Variants in STEEP1 observed in about 807,000 individuals in gnomAD.
STEEP1 encodes the protein STING ER exit protein.
A neutral mutation model predicts 19.2 loss-of-function variants in STEEP1; 3 were observed. That is an observed-to-expected ratio of 0.16 (90% confidence interval 0.07 to 0.40). STEEP1 has a LOEUF of 0.40. Among genes scored for constraint, STEEP1 ranks in the 10% least tolerant of loss-of-function variants. STEEP1 has a pLI of 0.99. For missense variants in STEEP1, 54 were observed against 177.1 expected (o/e 0.30, Z 3.94); for synonymous variants, 46 against 63.7 (o/e 0.72, Z 1.32).
Position 119,548,049 on chromosome X carries a change from G to A in STEEP1, c.243-2545C>T, listed in dbSNP as rs748595701. On this transcript the variant is annotated intron_variant, in intron 2 of 6. Transcript: ENST00000644802. ...TAGCTGGGTGTTGTGACACATGCCT[G>A]TAATCCCAGCTACTTGGGAGGCTGA... Among the ~76,000 whole-genome samples, 3 of 110,788 alleles carry A rather than the reference G, an allele frequency of 2.7e-5. No homozygotes were observed. In the South Asian group the frequency reaches 1.2e-3, roughly 43 times the overall value.
In STEEP1 at chrX:119,538,755, C is replaced by G. The variant is rs1397722167; in HGVS notation, c.*972G>C. On this transcript the variant is annotated 3_prime_UTR_variant, in exon 7 of 7. Coordinates refer to ENST00000644802, the MANE Select transcript of STEEP1 (RefSeq NM_022101.4). Reference sequence around the variant, plus strand: ...CCGGCCACCCTTGGGTTACTTGAGACCCTACTTTCATTTGGATCTGAGCTG... The same window carrying G: ...CCGGCCACCCTTGGGTTACTTGAGAGCCTACTTTCATTTGGATCTGAGCTG... The G allele has an allele frequency of 9.0e-6, 1 of 111,454 alleles. No individual in the cohort carries two copies. The highest frequency in any genetic ancestry group is 1.9e-5 in the Non-Finnish European group (1 of 53,100). The allele number at this position is 111,454 out of a possible 1,213,427, so 9.2% of individuals were successfully genotyped here. A position where few individuals can be genotyped will look rare whatever the true frequency, so the allele number is the denominator to read the frequency against.
intron 4 of STEEP1, among the ~76,000 whole-genome samples, chrX:119,543,531 G>A (rs1346067551): frequency 9.1e-6 from 1 of 110,111 alleles, no homozygotes; most frequent in Non-Finnish European, 1.9e-5. Context: ...CACCCAGGCT[G>A]GAGTGCAGTG....
chrX:119,542,997 CAAAAAAAAAAAAAAAAA>C (rs60574433), intron 4 of STEEP1, among the ~76,000 whole-genome samples: 3 of 47,929 alleles, frequency 6.3e-5, no homozygotes, highest in African/African-American at 8.9e-5. Flanking sequence ...CTGGGTCTCG[CAAAAAAAAAAAAAAAAA>C]AAAAAAAAAA....
intron 2 of STEEP1, among the ~76,000 whole-genome samples, chrX:119,558,203 C>T (rs2053295340): frequency 9.0e-6 from 1 of 111,531 alleles, no homozygotes; most frequent in South Asian, 3.7e-4. Context: ...GCCACCACAC[C>T]CAGGCTGTAG....
chrX:119,551,608 T>G (rs1303490395), intron 2 of STEEP1, among the ~76,000 whole-genome samples: 1 of 111,260 alleles, frequency 9.0e-6, no homozygotes, highest in African/African-American at 3.3e-5. Context: ...GCAGTACAAC[T>G]GAGGCAGATG....
intron 2 of STEEP1, among the ~76,000 whole-genome samples, chrX:119,554,776 C>T (rs2053267270): frequency 9.0e-6 from 1 of 110,967 alleles, no homozygotes. Context: ...AACTGCCTAC[C>T]ATATGAGACA....
At chrX:119,564,052 TGGGA>T (rs767815597) in intron 1 of STEEP1, among the ~76,000 whole-genome samples, 4 of 111,614 alleles carry the variant, frequency 3.6e-5, no homozygotes, top group African/African-American at 1.3e-4. Flanking sequence ...GATGAACATC[TGGGA>T]GTTACCAGCA....
At chrX:119,561,009 CAA>C (rs60535599) in intron 1 of STEEP1, among the ~76,000 whole-genome samples, 7 of 81,230 alleles carry the variant, frequency 8.6e-5, no homozygotes, top group East Asian at 3.8e-4. Flanking sequence ...CTCTGTTTTA[CAA>C]AAAAAAAAAA....
chrX:119,557,110 C>T (rs1244460776), intron 2 of STEEP1, among the ~76,000 whole-genome samples: 1 of 88,460 alleles, frequency 1.1e-5, no homozygotes, highest in Middle Eastern at 8.3e-3. Context: ...GAGCTGAGAT[C>T]GCATCACTGC....
intron 2 of STEEP1, among the ~76,000 whole-genome samples, chrX:119,557,904 CTTTA>C (rs2147358242): frequency 9.0e-6 from 1 of 110,760 alleles, no homozygotes; most frequent in East Asian, 2.9e-4. Flanking sequence ...ATTTGTAGTA[CTTTA>C]TTTTTTTTTT....
chrX:119,557,563 A>G (rs1222459846), intron 2 of STEEP1, among the ~76,000 whole-genome samples: 1 of 111,337 alleles, frequency 9.0e-6, no homozygotes, highest in Non-Finnish European at 1.9e-5. Context: ...TTATTTGGAA[A>G]TAGTGATGTT....
At chrX:119,551,582 G>C (rs2053241877) in intron 2 of STEEP1, among the ~76,000 whole-genome samples, 2 of 111,325 alleles carry the variant, frequency 1.8e-5, no homozygotes, top group African/African-American at 6.5e-5. Flanking sequence ...GGAGGAACGA[G>C]GAAGCGGGCA....
intron 5 of STEEP1, among the ~76,000 whole-genome samples, chrX:119,541,805 A>C (rs1269908426): frequency 8.9e-6 from 1 of 111,933 alleles, no homozygotes; most frequent in East Asian, 2.8e-4. Context: ...CATAAAGGTA[A>C]TTGCTACTAC....
chrX:119,555,998 A>G (rs1304572695), intron 2 of STEEP1, among the ~76,000 whole-genome samples: 1 of 111,945 alleles, frequency 8.9e-6, no homozygotes, highest in Non-Finnish European at 1.9e-5. Context: ...ATCAGGAGGA[A>G]GGCAGTTCTG....
At position 119,552,402 on chromosome X, in the gene STEEP1, C is replaced by T. The variant is rs2053249442; in HGVS notation, c.243-6898G>A. On this transcript the variant is annotated intron_variant, in intron 2 of 6. Coordinates refer to ENST00000644802, the MANE Select transcript of STEEP1 (RefSeq NM_022101.4). ...GTTCCCACGACCCCCTCTTTGGGTT[C>T]GATTACTTTGCTAGTGCAGCTCACA... Among the ~76,000 whole-genome samples, 3 of 112,225 alleles carry T rather than the reference C, an allele frequency of 2.7e-5. 1 individual carries two copies. Among genetic ancestry groups the T allele is most frequent in the African/African-American group, 6.5e-5 (2 of 30,904 alleles).
intron 5 of STEEP1, among the ~76,000 whole-genome samples, 187 bp downstream of exon 5, chrX:119,542,318 G>A (rs1211505471): frequency 2.7e-5 from 3 of 109,828 alleles, no homozygotes; most frequent in East Asian, 2.9e-4. Flanking sequence ...CGCCCGTCTC[G>A]GTCTCCCAAA....
At chrX:119,541,069 A>G (rs749848132) in intron 6 of STEEP1, among the ~76,000 whole-genome samples, 1 of 111,662 alleles carries the variant, frequency 9.0e-6, no homozygotes, top group South Asian at 3.7e-4. Flanking sequence ...TAAATAAAAT[A>G]AAAATAAAAT....
At position 119,538,636 on chromosome X, in the gene STEEP1, A is replaced by T. The variant is rs1338360005; in HGVS notation, c.*1091T>A. The stretch of plus-strand genomic sequence containing the variant: ...ATTTTAGTAGAGACAGGGTTTCACC[A>T]TGTTGCCCAGGCTGGTCTCAAACTC... On this transcript the variant is annotated 3_prime_UTR_variant, in exon 7 of 7. Transcript: ENST00000644802. The T allele has an allele frequency of 9.1e-6, 1 of 109,956 alleles. No individual in the cohort carries two copies. The highest frequency in any genetic ancestry group is 2.8e-4 in the East Asian group (1 of 3,527). The allele number at this position is 109,956 out of a possible 1,213,427, so 9.1% of individuals were successfully genotyped here.
At chrX:119,552,004 G>A (rs758914920) in intron 2 of STEEP1, among the ~76,000 whole-genome samples, 7 of 107,906 alleles carry the variant, frequency 6.5e-5, no homozygotes, top group South Asian at 4.1e-4. Flanking sequence ...AGGTTCAAGC[G>A]ATTCTCCTGC....
Sources: allele counts gnomAD v4.1 joint callset (sites outside exome capture counted in the v4.1 genomes callset), GRCh38; gene constraint gnomAD v4.1.1; transcripts MANE v1.5; gene names NCBI Gene and HGNC (gene_info 2026-07-23, HGNC 2026-07-21).